Variants in ZDHHC21 observed in about 807,000 individuals in gnomAD.
ZDHHC21 encodes the protein palmitoyltransferase ZDHHC21.
ZDHHC21 carries 15 observed loss-of-function variants against 34.6 expected under a neutral mutation model. The ratio of observed to expected loss-of-function variants is 0.43; its 90% CI spans 0.29 to 0.67. ZDHHC21 has a LOEUF of 0.67. Ranked by LOEUF, ZDHHC21 falls within the 30% of genes least tolerant of loss-of-function variation. The pLI, the probability that ZDHHC21 is intolerant of heterozygous loss-of-function variation, is 0.14. For missense variants in ZDHHC21, 344 were observed against 327.7 expected (o/e 1.05, Z -0.38); for synonymous variants, 142 against 101.8 (o/e 1.40, Z -2.38).
intron 8 of ZDHHC21, among the ~76,000 whole-genome samples, chr9:14,627,201 G>A (rs1175765190): frequency 5.9e-5 from 9 of 152,074 alleles, no homozygotes; most frequent in Non-Finnish European, 1.2e-4. Flanking sequence ...CGACTGATTC[G>A]TAAAATGCTG....
At chr9:14,691,578 A>G (rs1324903809) in intron 1 of ZDHHC21, among the ~76,000 whole-genome samples, 1 of 152,214 alleles carries the variant, frequency 6.6e-6, no homozygotes, top group Non-Finnish European at 1.5e-5. Context: ...GCATTTTTAA[A>G]TGCTTAGATT....
At chr9:14,594,721 CA>C in the ZDHHC21 span, among the ~76,000 whole-genome samples, 6 of 152,034 alleles carry the variant, frequency 3.9e-5, no homozygotes, top group Non-Finnish European at 8.8e-5. Flanking sequence ...TTTTGTGCTT[CA>C]AAGGATATCA....
intron 7 of ZDHHC21, among the ~76,000 whole-genome samples, chr9:14,643,913 G>C (rs555200772): frequency 6.6e-6 from 1 of 152,140 alleles, no homozygotes; most frequent in Non-Finnish European, 1.5e-5. Context: ...TTTGTAATAA[G>C]TCTCAATACC....
intron 8 of ZDHHC21, among the ~76,000 whole-genome samples, chr9:14,635,967 A>G (rs1476564403): frequency 1.3e-5 from 2 of 152,208 alleles, no homozygotes; most frequent in Non-Finnish European, 2.9e-5. Context: ...TCAAACCACA[A>G]TGATAAACAA....
intron 7 of ZDHHC21, among the ~76,000 whole-genome samples, chr9:14,657,852 T>C (rs1486864709): frequency 6.6e-6 from 1 of 152,174 alleles, no homozygotes; most frequent in Admixed American, 6.5e-5. Flanking sequence ...ATGCTTTTCT[T>C]ATTAGGCTCA....
intron 1 of ZDHHC21, among the ~76,000 whole-genome samples, chr9:14,691,522 C>A (rs1055788289): frequency 5.9e-5 from 9 of 152,178 alleles, no homozygotes; most frequent in African/African-American, 2.2e-4. Flanking sequence ...TGTTATGATT[C>A]ATTGATTCTT....
Position 14,674,350 on chromosome 9 carries a change from T to C in ZDHHC21, c.-10A>G. 6.3e-7 allele frequency: 1 copy of C among 1,586,586 alleles called. No individual in the cohort carries two copies. The highest frequency in any genetic ancestry group is 1.2e-5 in the South Asian group (1 of 84,986). ...GAATCCGGAGACCCATTTTGCAATC[T>C]TATAACTGCCTGCTAACCCACAAGG... On this transcript the variant is annotated 5_prime_UTR_variant, in exon 4 of 10. The change abolishes the stop of an existing upstream ORF in the 5' untranslated region. Transcript: ENST00000380916.
At chr9:14,679,418 A>T (rs1429759087) in intron 3 of ZDHHC21, among the ~76,000 whole-genome samples, 1 of 152,150 alleles carries the variant, frequency 6.6e-6, no homozygotes, top group Non-Finnish European at 1.5e-5. Flanking sequence ...CAACTTATAG[A>T]ATAGTTTATA....
chr9:14,666,662 G>T (rs1275469522), intron 5 of ZDHHC21, among the ~76,000 whole-genome samples: 3 of 108,982 alleles, frequency 2.8e-5, no homozygotes, highest in Admixed American at 1.8e-4. Flanking sequence ...TCAGACCACA[G>T]TGCAATCAAA....
the ZDHHC21 span, among the ~76,000 whole-genome samples, chr9:14,601,275 A>G: frequency 0.18 from 26,843 of 152,204 alleles, 2,720 homozygotes; most frequent in South Asian, 0.34. Flanking sequence ...AATATCCACA[A>G]TGTACAAGGA....
At chr9:14,672,682 G>C (rs1188353810) in intron 5 of ZDHHC21, 148 bp downstream of exon 5, 18 of 536,806 alleles carry the variant, frequency 3.4e-5, no homozygotes, top group Non-Finnish European at 4.7e-5. Context: ...ATTTTAAGTA[G>C]AGAAGTTTGG....
At chr9:14,602,382 A>T in the ZDHHC21 span, among the ~76,000 whole-genome samples, 3 of 151,966 alleles carry the variant, frequency 2.0e-5, no homozygotes, top group Non-Finnish European at 4.4e-5. Context: ...GAGTTCCATG[A>T]GATGAGATGG....
chr9:14,661,150 T>G (rs1299555399), intron 6 of ZDHHC21, among the ~76,000 whole-genome samples: 1 of 152,228 alleles, frequency 6.6e-6, no homozygotes, highest in South Asian at 2.1e-4. Context: ...AAAATTTTTA[T>G]GTAGTAACAA....
downstream of ZDHHC21, among the ~76,000 whole-genome samples, chr9:14,607,395 C>T (rs1823045782): frequency 6.6e-6 from 1 of 151,460 alleles, no homozygotes; most frequent in Non-Finnish European, 1.5e-5. Context: ...CAGAGGCAGA[C>T]CCTGTATCCA....
At chr9:14,648,515 G>A (rs1830658782) in intron 7 of ZDHHC21, among the ~76,000 whole-genome samples, 1 of 152,054 alleles carries the variant, frequency 6.6e-6, no homozygotes, top group African/African-American at 2.4e-5. Context: ...TGTTCCTTGA[G>A]AATGTCAACA....
At chr9:14,603,608 A>T in the ZDHHC21 span, among the ~76,000 whole-genome samples, 1 of 152,212 alleles carries the variant, frequency 6.6e-6, no homozygotes, top group African/African-American at 2.4e-5. Context: ...AAAGCTCGTT[A>T]ATCTACCCTC....
chr9:14,689,024 T>C (rs892598735), intron 2 of ZDHHC21, among the ~76,000 whole-genome samples: 2 of 152,020 alleles, frequency 1.3e-5, no homozygotes, highest in African/African-American at 4.8e-5. Context: ...TCCAGCCTGG[T>C]CAACAGAGTG....
intron 8 of ZDHHC21, among the ~76,000 whole-genome samples, chr9:14,625,775 A>T (rs1466323216): frequency 6.6e-6 from 1 of 151,734 alleles, no homozygotes; most frequent in Non-Finnish European, 1.5e-5. Flanking sequence ...ACTACAAGAG[A>T]CTACACATAT....
At chr9:14,681,157 A>T (rs550450543) in intron 2 of ZDHHC21, among the ~76,000 whole-genome samples, 1 of 152,348 alleles carries the variant, frequency 6.6e-6, no homozygotes, top group African/African-American at 2.4e-5. Flanking sequence ...ATGAATAACT[A>T]AAAAAGTTTA....
Sources: allele counts gnomAD v4.1 joint callset (sites outside exome capture counted in the v4.1 genomes callset), GRCh38; gene constraint gnomAD v4.1.1; transcripts MANE v1.5; gene names NCBI Gene and HGNC (gene_info 2026-07-23, HGNC 2026-07-21).